Variants in AKT3 observed in about 807,000 individuals in gnomAD.
AKT3 encodes the protein RAC-gamma serine/threonine-protein kinase.
AKT3 carries 15 observed loss-of-function variants against 65.3 expected under a neutral mutation model. The ratio of observed to expected loss-of-function variants is 0.23; its 90% CI spans 0.15 to 0.35. The LOEUF is 0.35. Among genes scored for constraint, AKT3 ranks in the 10% least tolerant of loss-of-function variants. AKT3 has a pLI of 1.00. For missense variants in AKT3, 243 were observed against 576.5 expected, an observed-to-expected ratio of 0.42 and a Z score of 5.92; for synonymous variants, 206 against 183.8, an observed-to-expected ratio of 1.12 and a Z score of -0.98.
At chr1:243,570,831 A>G (rs1398982619) in intron 9 of AKT3, among the ~76,000 whole-genome samples, 2 of 152,206 alleles carry the variant, frequency 1.3e-5, no homozygotes, top group African/African-American at 2.4e-5. Context: ...AGTTAAGGCT[A>G]TATTTTTTAA....
chr1:243,516,811 T>C (rs1670388147), intron 12 of AKT3, among the ~76,000 whole-genome samples: 1 of 152,196 alleles, frequency 6.6e-6, no homozygotes, highest in Non-Finnish European at 1.5e-5. Context: ...CACTATGTTG[T>C]GCAGACTAGT....
intron 2 of AKT3, among the ~76,000 whole-genome samples, chr1:243,781,606 T>C (rs974765165): frequency 6.6e-5 from 10 of 152,228 alleles, no homozygotes; most frequent in East Asian, 1.9e-4. Flanking sequence ...CAAATCTTTA[T>C]GGATTCCTAA....
chr1:243,640,547 G>A (rs1680299444), intron 5 of AKT3, among the ~76,000 whole-genome samples: 1 of 152,182 alleles, frequency 6.6e-6, no homozygotes, highest in Non-Finnish European at 1.5e-5. Context: ...CTCTAATGCT[G>A]TCAGTTAGTC....
chr1:243,498,324 G>A (rs1204117418), downstream of AKT3, among the ~76,000 whole-genome samples: 1 of 152,234 alleles, frequency 6.6e-6, no homozygotes, highest in Non-Finnish European at 1.5e-5. Context: ...AGGGCATAGT[G>A]CATGGGGTGG....
rs142543024 is a variant in AKT3 at position 243,541,530 on chromosome 1, A to G, written c.1251+3980T>C. 2.8e-3 allele frequency among the ~76,000 whole-genome samples: 423 copies of G among 152,076 alleles called. 5 individuals are homozygous for G. The highest frequency in any genetic ancestry group is 9.5e-3 in the African/African-American group (395 of 41,464). On this transcript the variant is annotated intron_variant, in intron 12 of 13. Transcript: ENST00000673466. ...TAGTGCTGAAATCAGTCGCGTCCTC[A>G]AGGAGCCTTGGTTCCTTTTATTGGA... is the stretch of plus-strand genomic sequence containing the variant.
At chr1:243,618,614 T>C (rs1678512122) in intron 6 of AKT3, among the ~76,000 whole-genome samples, 2 of 152,116 alleles carry the variant, frequency 1.3e-5, no homozygotes, top group Non-Finnish European at 2.9e-5. Context: ...GAAAAGCTTT[T>C]GAAATACAAA....
intron 2 of AKT3, among the ~76,000 whole-genome samples, chr1:243,750,952 TTTTG>T (rs1301080567): frequency 1.3e-5 from 2 of 152,188 alleles, no homozygotes; most frequent in African/African-American, 4.8e-5. Context: ...AAAAACTGAC[TTTTG>T]TTTTAGCTGT....
rs185053089 is a variant in AKT3 at position 243,598,661 on chromosome 1, T to A, written c.696+15010A>T. ...CCCTAAAGTCTCATGCTCAACAGGC[T>A]TCTCTCATCAGAGCACAGGAAGTTC... On this transcript the variant is annotated intron_variant, in intron 8 of 13. Coordinates refer to ENST00000673466, the MANE Select transcript of AKT3 (RefSeq NM_005465.7). Among the ~76,000 whole-genome samples, 543 of 152,294 alleles carry A rather than the reference T, an allele frequency of 3.6e-3. 6 individuals are homozygous for A. Among genetic ancestry groups the A allele is most frequent in the Non-Finnish European group, 5.2e-3 (353 of 68,020 alleles).
At chr1:243,850,251 G>T (rs1695714885), upstream of AKT3, 1 of 157,114 alleles carries the variant, frequency 6.4e-6, no homozygotes, top group Non-Finnish European at 1.4e-5. Flanking sequence ...TGCAGGGGAG[G>T]GAGGGAGGGA....
chr1:243,585,899 T>TA (rs1278390524), intron 8 of AKT3, among the ~76,000 whole-genome samples: 3 of 152,134 alleles, frequency 2.0e-5, no homozygotes, highest in Non-Finnish European at 4.4e-5. Context: ...GAGACCTAAT[T>TA]ACACTAAAGA....
intron 9 of AKT3, among the ~76,000 whole-genome samples, chr1:243,569,414 T>C (rs941490769): frequency 6.6e-6 from 1 of 152,152 alleles, no homozygotes; most frequent in African/African-American, 2.4e-5. Flanking sequence ...AAGATTTCTA[T>C]ATAGGGGGAA....
chr1:243,781,379 T>C (rs914851821), intron 2 of AKT3, among the ~76,000 whole-genome samples: 3 of 152,172 alleles, frequency 2.0e-5, no homozygotes, highest in Non-Finnish European at 4.4e-5. Flanking sequence ...TGGTTCATTT[T>C]GTTTTACTTC....
At chr1:243,598,152 ATTC>A (rs1228378119) in intron 8 of AKT3, among the ~76,000 whole-genome samples, 2 of 152,208 alleles carry the variant, frequency 1.3e-5, no homozygotes, top group African/African-American at 4.8e-5. Context: ...CACATATTAT[ATTC>A]TTCATAAATA....
intron 12 of AKT3, among the ~76,000 whole-genome samples, chr1:243,523,308 C>CA (rs1670846485): frequency 2.1e-5 from 3 of 142,334 alleles, no homozygotes; most frequent in African/African-American, 7.8e-5. Flanking sequence ...CACACACACA[C>CA]CTTTCAGAAA....
chr1:243,571,069 C>T (rs1025607947), intron 9 of AKT3, among the ~76,000 whole-genome samples: 4 of 152,160 alleles, frequency 2.6e-5, no homozygotes, highest in African/African-American at 7.2e-5. Flanking sequence ...CCTGTAATCC[C>T]AGCATTTTGG....
chr1:243,844,841 T>C (rs1244401901), intron 1 of AKT3, among the ~76,000 whole-genome samples: 1 of 152,138 alleles, frequency 6.6e-6, no homozygotes, highest in Non-Finnish European at 1.5e-5. Context: ...GCAATGAGTT[T>C]TACAGGGTCA....
Position 243,634,961 on chromosome 1 carries a change from T to A in AKT3, c.561+2650A>T, listed in dbSNP as rs112420021. Among the ~76,000 whole-genome samples the A allele has an allele frequency of 1.1e-3, 166 of 151,968 alleles. 3 individuals are homozygous for A. Among genetic ancestry groups the A allele is most frequent in the Non-Finnish European group, 2.0e-3 (137 of 67,812 alleles). On this transcript the variant is annotated intron_variant, in intron 6 of 13. Transcript: ENST00000673466. ...CAATAAAGCAACTAAATCTAAGACA[T>A]ATACACAAAATGCTCTATTAAATAT...
chr1:243,496,703 A>C (rs922648879), downstream of AKT3, among the ~76,000 whole-genome samples: 10 of 152,254 alleles, frequency 6.6e-5, no homozygotes, highest in African/African-American at 2.4e-4. Context: ...ACAAAGCAGC[A>C]GCAAAGGCTG....
chr1:243,820,144 C>G (rs1251894357), intron 2 of AKT3, among the ~76,000 whole-genome samples: 1 of 152,186 alleles, frequency 6.6e-6, no homozygotes, highest in Admixed American at 6.5e-5. Flanking sequence ...TGGTCTCGAT[C>G]TCCTGATCTC....
Sources: allele counts gnomAD v4.1 joint callset (sites outside exome capture counted in the v4.1 genomes callset), GRCh38; gene constraint gnomAD v4.1.1; transcripts MANE v1.5; gene names NCBI Gene and HGNC (gene_info 2026-07-23, HGNC 2026-07-21).